The following ZNF704 variants were observed in gnomAD, a reference collection of about 807,000 sequenced individuals.
ZNF704 encodes the protein glucocorticoid induced gene 1.
ZNF704 carries 10 observed loss-of-function variants against 44.7 expected under a neutral mutation model. That is an observed-to-expected ratio of 0.22 (90% CI 0.14 to 0.38). ZNF704 has a LOEUF of 0.38. Ranked by LOEUF, ZNF704 falls within the 10% of genes least tolerant of loss-of-function variation. The pLI, the probability that ZNF704 is intolerant of heterozygous loss-of-function variation, is 1.00. For missense variants in ZNF704, 390 were observed against 545.5 expected, an observed-to-expected ratio of 0.71 and a Z score of 2.84; for synonymous variants, 211 against 207.6, an observed-to-expected ratio of 1.02 and a Z score of -0.14.
At chr8:80,679,226 G>A (rs982580425) in intron 4 of ZNF704, among the ~76,000 whole-genome samples, 5 of 152,052 alleles carry the variant, frequency 3.3e-5, no homozygotes, top group Non-Finnish European at 7.4e-5. Context: ...CTCTACATAG[G>A]CCAAAGACAT....
intron 2 of ZNF704, among the ~76,000 whole-genome samples, chr8:80,695,580 T>C (rs1190570444): frequency 1.3e-5 from 2 of 152,218 alleles, no homozygotes; most frequent in Non-Finnish European, 1.5e-5. Context: ...TTTTTGCCCC[T>C]CTCTCAATCT....
Position 80,665,045 on chromosome 8 carries a change from C to G in ZNF704, c.697G>C (p.Asp233His). Residue 233 changes from aspartate to histidine, a missense_variant, in exon 6 of 9, where the codon GAC becomes CAC. Around this residue, in one of 3 missense-constraint regions of ZNF704, gnomAD observed 305 missense variants for 435.7 expected, o/e 0.70. Transcript: ENST00000327835. Reference sequence around the variant, plus strand: ...AGCTTGATCTCAGTGTAGTAAAAGTCCTCTTCTCCATCACTGTAGTCAGAG... The same window carrying G: ...AGCTTGATCTCAGTGTAGTAAAAGTGCTCTTCTCCATCACTGTAGTCAGAG... The part of the protein sequence containing the change: ...GDSDYSDGEE[D>H]FYYTEIKLNT... The G allele has an allele frequency of 6.2e-7, 1 of 1,614,184 alleles. No individual in the cohort carries two copies.
intron 7 of ZNF704, among the ~76,000 whole-genome samples, chr8:80,651,011 T>C (rs1042868919): frequency 1.3e-5 from 2 of 152,236 alleles, no homozygotes; most frequent in Admixed American, 6.5e-5. Flanking sequence ...GGGCCAATAT[T>C]CAACATTCTT....
At chr8:80,668,504 C>G (rs534459484) in intron 5 of ZNF704, among the ~76,000 whole-genome samples, 1 of 152,256 alleles carries the variant, frequency 6.6e-6, no homozygotes, top group Admixed American at 6.5e-5. Context: ...GGAAGAAGAA[C>G]GAGCATCTGT....
intron 7 of ZNF704, among the ~76,000 whole-genome samples, chr8:80,658,376 T>C (rs1353163134): frequency 6.8e-6 from 1 of 147,878 alleles, no homozygotes; most frequent in Non-Finnish European, 1.5e-5. Flanking sequence ...GGTCTTTTTA[T>C]GTCTACCAAA....
intron 2 of ZNF704, among the ~76,000 whole-genome samples, chr8:80,800,250 G>GAT (rs1807876388): frequency 6.6e-6 from 1 of 152,120 alleles, no homozygotes. Context: ...CATACTTCAG[G>GAT]ATATCATCCA....
At chr8:80,737,614 ATCTC>A (rs930393850) in intron 2 of ZNF704, among the ~76,000 whole-genome samples, 6 of 152,228 alleles carry the variant, frequency 3.9e-5, no homozygotes, top group Non-Finnish European at 5.9e-5. Context: ...AGGAGAGGCA[ATCTC>A]TCTATCTTTT....
chr8:80,761,155 A>C (rs1177438292), intron 2 of ZNF704, among the ~76,000 whole-genome samples: 1 of 152,056 alleles, frequency 6.6e-6, no homozygotes, highest in Non-Finnish European at 1.5e-5. Context: ...CTTCCACTAC[A>C]TGAGGACACA....
At chr8:80,792,241 G>T (rs1033466891) in intron 2 of ZNF704, among the ~76,000 whole-genome samples, 1 of 152,126 alleles carries the variant, frequency 6.6e-6, no homozygotes, top group African/African-American at 2.4e-5. Context: ...TCTCTGAGCT[G>T]GTGGGAGTGT....
intron 7 of ZNF704, among the ~76,000 whole-genome samples, chr8:80,652,316 T>G (rs1254072195): frequency 6.6e-6 from 1 of 151,330 alleles, no homozygotes; most frequent in Non-Finnish European, 1.5e-5. Flanking sequence ...ATAACTAAGA[T>G]CAGAGCAGAA....
chr8:80,834,573 G>A (rs1482508739), intron 1 of ZNF704, among the ~76,000 whole-genome samples: 4 of 152,110 alleles, frequency 2.6e-5, no homozygotes, highest in South Asian at 4.2e-4. Flanking sequence ...ATGCAGGTTC[G>A]TTACATAGAT....
At chr8:80,642,971 G>C in intron 8 of ZNF704, 64 bp downstream of exon 8, 1 of 1,088,190 alleles carries the variant, frequency 9.2e-7, no homozygotes, top group Non-Finnish European at 1.3e-6. Flanking sequence ...GGTTCTCTCT[G>C]CTGTTCTGTT....
chr8:80,675,165 T>C (rs573782380), intron 4 of ZNF704, among the ~76,000 whole-genome samples: 2 of 152,350 alleles, frequency 1.3e-5, no homozygotes, highest in East Asian at 3.9e-4. Flanking sequence ...AAGGTGACTA[T>C]TGAGCTGGGA....
intron 2 of ZNF704, among the ~76,000 whole-genome samples, chr8:80,789,542 T>A (rs1807669535): frequency 6.6e-6 from 1 of 151,764 alleles, no homozygotes; most frequent in African/African-American, 2.4e-5. Flanking sequence ...AGGATAAGAG[T>A]TTTGAGACTA....
intron 2 of ZNF704, among the ~76,000 whole-genome samples, chr8:80,791,179 T>C (rs1202455112): frequency 1.3e-5 from 2 of 152,134 alleles, no homozygotes; most frequent in South Asian, 2.1e-4. Context: ...GATGAGAGTG[T>C]AGAATGTAAA....
At chr8:80,730,604 A>G (rs1009755727) in intron 2 of ZNF704, among the ~76,000 whole-genome samples, 1 of 151,386 alleles carries the variant, frequency 6.6e-6, no homozygotes, top group African/African-American at 2.4e-5. Flanking sequence ...CGGGTGATAA[A>G]GTATAATAAT....
intron 1 of ZNF704, among the ~76,000 whole-genome samples, chr8:80,846,298 C>T (rs910795028): frequency 1.3e-5 from 2 of 152,038 alleles, no homozygotes; most frequent in Non-Finnish European, 2.9e-5. Flanking sequence ...ATTTCCTAAG[C>T]AGATAACCTT....
chr8:80,870,260 T>A (rs1360936611), intron 1 of ZNF704, among the ~76,000 whole-genome samples: 1 of 152,224 alleles, frequency 6.6e-6, no homozygotes, highest in Non-Finnish European at 1.5e-5. Context: ...ATTCCCATGA[T>A]GCTTTAGTCA....
chr8:80,823,455 A>C (rs1450592025), intron 1 of ZNF704, among the ~76,000 whole-genome samples: 1 of 152,206 alleles, frequency 6.6e-6, no homozygotes, highest in Non-Finnish European at 1.5e-5. Context: ...ACTGCAGCTC[A>C]AGGAAGCCTG....
Sources: gnomAD v4.1 joint callset for allele counts (sites outside exome capture counted in the v4.1 genomes callset) on GRCh38, gnomAD v4.1.1 for gene constraint, gnomAD v4.1.1 regional missense constraint, MANE v1.5 for transcripts, NCBI Gene and HGNC (gene_info 2026-07-23, HGNC 2026-07-21) for gene names.